Variants in IQSEC1 observed in about 807,000 individuals in gnomAD.
IQSEC1 encodes IQ motif and SEC7 domain-containing protein 1.
A neutral mutation model predicts 91.0 loss-of-function variants in IQSEC1; 31 were observed. The ratio of observed to expected loss-of-function variants is 0.34; its 90% CI spans 0.26 to 0.46. The LOEUF is 0.46. Among genes scored for constraint, IQSEC1 ranks in the 20% least tolerant of loss-of-function variants. The pLI, the probability that IQSEC1 is intolerant of heterozygous loss-of-function variation, is 1.00. For synonymous variants in IQSEC1, 699 were observed against 662.6 expected (o/e 1.05, Z -0.84); for missense variants, 1,388 against 1,575.6 (o/e 0.88, Z 2.02).
At chr3:13,069,178 A>G (rs1278638326) in intron 1 of IQSEC1, among the ~76,000 whole-genome samples, 2 of 152,070 alleles carry the variant, frequency 1.3e-5, no homozygotes, top group African/African-American at 2.4e-5. Flanking sequence ...AATAGTGATC[A>G]CTGCATGGCA....
rs377180141 is a variant in IQSEC1, at chr3:13,245,134, C to T, written c.272+37577G>A. Among the ~76,000 whole-genome samples the T allele has an allele frequency of 1.1e-4, 16 of 152,212 alleles. No homozygotes were observed. The East Asian group carries it at 2.9e-3, about 28-fold the overall frequency. On this transcript the variant is annotated intron_variant, in intron 1 of 15. Coordinates refer to the IQSEC1 transcript ENST00000648114. ...TCTGATTGAGCTGGGCTTGGCTGAT[C>T]GAGTCTGGGCTCGCTCATGTGTCTG...
chr3:13,198,077 C>T (rs935904507), intron 1 of IQSEC1, among the ~76,000 whole-genome samples: 1 of 152,154 alleles, frequency 6.6e-6, no homozygotes, highest in Non-Finnish European at 1.5e-5. Context: ...AGATGATGAC[C>T]CTTGCCTGGA....
chr3:13,171,641 T>C (rs1693617409), intron 1 of IQSEC1, among the ~76,000 whole-genome samples: 1 of 152,206 alleles, frequency 6.6e-6, no homozygotes, highest in African/African-American at 2.4e-5. Flanking sequence ...ATTTGCAATT[T>C]CTTCCCTATT....
intron 8 of IQSEC1, 114 bp downstream of exon 8, chr3:12,914,990 C>T: frequency 9.5e-7 from 1 of 1,051,926 alleles, no homozygotes; most frequent in Non-Finnish European, 1.4e-6. Context: ...CAGCAATGAA[C>T]TCAAGCAGCC....
chr3:12,950,216 G>A (rs978736126), intron 1 of IQSEC1, among the ~76,000 whole-genome samples: 1 of 152,258 alleles, frequency 6.6e-6, no homozygotes, highest in South Asian at 2.1e-4. Context: ...GCAGACCACA[G>A]AGCAGAGCCA....
intron 1 of IQSEC1, among the ~76,000 whole-genome samples, chr3:12,985,103 C>T (rs574019569): frequency 2.6e-5 from 4 of 152,236 alleles, no homozygotes; most frequent in Admixed American, 2.0e-4. Flanking sequence ...GGATTACAGG[C>T]GTGAGCCACC....
rs1392535410 is a variant in IQSEC1, at chr3:13,207,471, A to G, written c.273-43338T>C. Among the ~76,000 whole-genome samples the G allele has an allele frequency of 1.3e-5, 2 of 151,698 alleles. No individual in the cohort carries two copies. Among genetic ancestry groups the G allele is most frequent in the Non-Finnish European group, 2.9e-5 (2 of 67,902 alleles). On this transcript the variant is annotated intron_variant, in intron 1 of 15. Coordinates refer to the IQSEC1 transcript ENST00000648114. This position sits in a 1 kb window ranked among gnomAD's most constrained non-coding sequence, Gnocchi z 4.8. ...TGCTGCCATTCTAACTCTCCCCATG[A>G]CACAACCCGCCAGAGCACTCTGGCA...
At chr3:13,142,337 C>A (rs1706815120) in intron 2 of IQSEC1, among the ~76,000 whole-genome samples, 1 of 152,208 alleles carries the variant, frequency 6.6e-6, no homozygotes, top group African/African-American at 2.4e-5. Flanking sequence ...GAAGCAGCAG[C>A]CCCAGATGCA....
At chr3:13,101,662 G>C (rs1706066328) in intron 2 of IQSEC1, among the ~76,000 whole-genome samples, 1 of 152,066 alleles carries the variant, frequency 6.6e-6, no homozygotes, top group African/African-American at 2.4e-5. Flanking sequence ...GGGCTGGGAA[G>C]AGACTCAGAG....
rs114507607 is a variant in IQSEC1 at position 12,909,203 on chromosome 3, C to T, written c.2578+70G>A. On this transcript the variant is annotated intron_variant, in intron 11 of 13. Transcript: ENST00000613206. The surrounding 1 kb of genome is among the most constrained non-coding windows in gnomAD (Gnocchi z 4.9). The stretch of plus-strand genomic sequence containing the variant: ...TCTCTGTGAGCTCAGAAGTCACTGC[C>T]CTGACATGGGGAGGCAAGTGCCAGA... 5.4e-4 allele frequency: 826 copies of T among 1,528,184 alleles called. 3 individuals are homozygous for T. The African/African-American group carries it at 9.3e-3, about 17-fold the overall frequency. 94.7% of individuals were successfully genotyped at this position (1,528,184 alleles called of 1,614,324 possible).
At chr3:13,157,112 GCA>G (rs1001022688) in intron 2 of IQSEC1, among the ~76,000 whole-genome samples, 110 of 152,330 alleles carry the variant, frequency 7.2e-4, no homozygotes, top group African/African-American at 2.5e-3. Context: ...TGGGTCAGAT[GCA>G]CACATACACA....
At chr3:13,181,329 A>G (rs1693842002) in intron 1 of IQSEC1, among the ~76,000 whole-genome samples, 1 of 152,238 alleles carries the variant, frequency 6.6e-6, no homozygotes, top group Non-Finnish European at 1.5e-5. Context: ...TAGGACTGAA[A>G]GAAGAAATAA....
At chr3:13,122,834 C>A (rs1706447287) in intron 2 of IQSEC1, among the ~76,000 whole-genome samples, 1 of 152,172 alleles carries the variant, frequency 6.6e-6, no homozygotes, top group Admixed American at 6.5e-5. Flanking sequence ...ATTCCAGACC[C>A]TCGAGGGGGA....
chr3:13,269,224 G>C (rs1409689437), intron 1 of IQSEC1, among the ~76,000 whole-genome samples: 1 of 152,224 alleles, frequency 6.6e-6, no homozygotes, highest in Non-Finnish European at 1.5e-5. Flanking sequence ...TGCCCTCAGG[G>C]CAGGACGACA....
intron 2 of IQSEC1, among the ~76,000 whole-genome samples, chr3:13,139,143 C>A (rs1316585278): frequency 6.6e-6 from 1 of 152,190 alleles, no homozygotes; most frequent in Admixed American, 6.5e-5. Context: ...CAGAGGACAG[C>A]ACTTCGCTAG....
Position 12,899,551 on chromosome 3 carries a change from T to C in IQSEC1, c.*1432A>G, listed in dbSNP as rs1694010758. Reference sequence around the variant, plus strand: ...GCGACAAGAGCACAGCTGAGAGTCATGTGATGCCCTGGCAGCTCACTGGAC... The same window carrying C: ...GCGACAAGAGCACAGCTGAGAGTCACGTGATGCCCTGGCAGCTCACTGGAC... On this transcript the variant is annotated 3_prime_UTR_variant, in exon 14 of 14. Coordinates refer to ENST00000613206, the MANE Select transcript of IQSEC1 (RefSeq NM_001134382.3). 3.3e-6 allele frequency: 5 copies of C among 1,502,640 alleles called. No homozygotes were observed. The highest frequency in any genetic ancestry group is 1.4e-5 in the African/African-American group (1 of 71,454). 93.1% of individuals were successfully genotyped at this position (1,502,640 alleles called of 1,614,324 possible). A position where few individuals can be genotyped will look rare whatever the true frequency, so the allele number is the denominator to read the frequency against.
intron 1 of IQSEC1, among the ~76,000 whole-genome samples, chr3:13,191,477 ATTTTTTTTTTTTTTTT>A (rs57912681): frequency 1.1e-4 from 10 of 92,102 alleles, no homozygotes; most frequent in African/African-American, 3.9e-4. Flanking sequence ...CACCCAGCTA[ATTTTTTTTTTTTTTTT>A]TTTTTTTTTT....
rs562700735 is a variant in IQSEC1, at chr3:12,908,499, C to T, written c.2605G>A (p.Val869Met). The T allele has an allele frequency of 3.4e-5, 55 of 1,613,592 alleles. No individual in the cohort carries two copies. Among genetic ancestry groups the T allele is most frequent in the East Asian group, 1.1e-4 (5 of 44,884 alleles). Residue 869 changes from valine (V) to methionine (M), a missense_variant, in exon 12 of 14, where the codon GTG becomes ATG. Val to Met is a conservative substitution (Grantham distance 21). Around this residue, in one of 2 missense-constraint regions of IQSEC1, gnomAD observed 1,059 missense variants for 1,317.8 expected, o/e 0.80. Coordinates refer to ENST00000613206, the MANE Select transcript of IQSEC1 (RefSeq NM_001134382.3). The surrounding 1 kb of genome is among the most constrained non-coding windows in gnomAD (Gnocchi z 4.9). ...ESELEKQKGVVRPSMSQCSSL... is the reference protein window; with the variant it reads ...ESELEKQKGVMRPSMSQCSSL... ...GAGCACTGGGACATGCTGGGCCGCA[C>T]GACGCCTTTCTGCTTCTCGAGCTCC...
At chr3:13,057,855 C>G (rs1704931805) in intron 1 of IQSEC1, among the ~76,000 whole-genome samples, 1 of 152,238 alleles carries the variant, frequency 6.6e-6, no homozygotes, top group African/African-American at 2.4e-5. Flanking sequence ...CACCCCATGC[C>G]TGCACTCAGC....
Sources: gnomAD v4.1 joint callset for allele counts (sites outside exome capture counted in the v4.1 genomes callset) on GRCh38, gnomAD v4.1.1 for gene constraint, gnomAD v4.1.1 regional missense constraint, Gnocchi (gnomAD v3.1) non-coding constraint, MANE v1.5 for transcripts, NCBI Gene and HGNC (gene_info 2026-07-23, HGNC 2026-07-21) for gene names.